LRFN5: variants seen among roughly 807,000 people sequenced by gnomAD.
LRFN5 encodes the protein leucine rich repeat and fibronectin type III domain containing 5.
In LRFN5, 24 loss-of-function variants were observed where a neutral mutation model predicts 45.6. The observed-to-expected ratio is 0.53, with a 90% CI of 0.38 to 0.74. The LOEUF (loss-of-function observed/expected upper bound fraction) is 0.74. LRFN5 is among the 30% of genes least tolerant of loss of function. The pLI is 0.00. For missense variants in LRFN5, 776 were observed against 861.5 expected, an observed-to-expected ratio of 0.90 and a Z score of 1.24; for synonymous variants, 340 against 313.8, an observed-to-expected ratio of 1.08 and a Z score of -0.88.
intron 2 of LRFN5, among the ~76,000 whole-genome samples, chr14:41,783,848 G>T (rs1282371568): frequency 6.6e-6 from 1 of 151,922 alleles, no homozygotes; most frequent in Non-Finnish European, 1.5e-5. Flanking sequence ...GGTGATTTTT[G>T]ATTAATAGAG....
At chr14:41,732,598 A>C (rs1195265320) in intron 1 of LRFN5, among the ~76,000 whole-genome samples, 1 of 152,184 alleles carries the variant, frequency 6.6e-6, no homozygotes, top group African/African-American at 2.4e-5. Flanking sequence ...AAACATAAAC[A>C]AAAAATGAAA....
At chr14:41,876,019 G>C (rs1177289473) in intron 2 of LRFN5, among the ~76,000 whole-genome samples, 1 of 152,014 alleles carries the variant, frequency 6.6e-6, no homozygotes, top group African/African-American at 2.4e-5. Context: ...AGATACATAT[G>C]TATACATGTA....
intron 1 of LRFN5, among the ~76,000 whole-genome samples, chr14:41,621,793 A>G (rs902569455): frequency 2.0e-5 from 3 of 152,070 alleles, no homozygotes; most frequent in Non-Finnish European, 4.4e-5. Flanking sequence ...AAAGTTGAAA[A>G]ATCAGGATGC....
chr14:41,789,812 G>C (rs945633785), intron 2 of LRFN5, among the ~76,000 whole-genome samples: 1 of 151,872 alleles, frequency 6.6e-6, no homozygotes, highest in East Asian at 1.9e-4. Flanking sequence ...TTGCATTCCT[G>C]GGATAAATGT....
intron 1 of LRFN5, among the ~76,000 whole-genome samples, chr14:41,764,419 A>G (rs1885795462): frequency 6.6e-6 from 1 of 152,188 alleles, no homozygotes; most frequent in Admixed American, 6.5e-5. Context: ...AATAAAAGGT[A>G]TGATTACAAA....
chr14:41,789,855 G>T (rs1162356909), intron 2 of LRFN5, among the ~76,000 whole-genome samples: 2 of 151,780 alleles, frequency 1.3e-5, no homozygotes, highest in Admixed American at 1.3e-4. Flanking sequence ...TGTATTTTTT[G>T]ACTGGTTTCG....
At chr14:41,624,550 A>G (rs1888257599) in intron 1 of LRFN5, among the ~76,000 whole-genome samples, 1 of 152,108 alleles carries the variant, frequency 6.6e-6, no homozygotes, top group Non-Finnish European at 1.5e-5. Context: ...AGGGAATCTG[A>G]AAAGTGCTCT....
At chr14:41,630,967 A>AT (rs1566595484) in intron 1 of LRFN5, among the ~76,000 whole-genome samples, 1 of 152,144 alleles carries the variant, frequency 6.6e-6, no homozygotes, top group African/African-American at 2.4e-5. Flanking sequence ...GGAATGGCTT[A>AT]TGTAAAGCTC....
chr14:41,849,520 A>G (rs1889190276), intron 2 of LRFN5, among the ~76,000 whole-genome samples: 1 of 151,350 alleles, frequency 6.6e-6, no homozygotes, highest in Non-Finnish European at 1.5e-5. Flanking sequence ...CCTCCTTGTG[A>G]ACATCCATTT....
At chr14:41,736,418 C>T (rs1884433063) in intron 1 of LRFN5, among the ~76,000 whole-genome samples, 1 of 152,196 alleles carries the variant, frequency 6.6e-6, no homozygotes, top group African/African-American at 2.4e-5. Flanking sequence ...TGAGAAGTGT[C>T]TGTTCACATC....
chr14:41,638,329 T>C (rs1014802130), intron 1 of LRFN5, among the ~76,000 whole-genome samples: 11 of 152,070 alleles, frequency 7.2e-5, no homozygotes, highest in South Asian at 2.1e-4. Flanking sequence ...TGTGCAATTC[T>C]CCTTAGAATA....
At chr14:41,641,967 A>G (rs1879599821) in intron 1 of LRFN5, among the ~76,000 whole-genome samples, 1 of 152,130 alleles carries the variant, frequency 6.6e-6, no homozygotes, top group Admixed American at 6.6e-5. Flanking sequence ...CCTTGAAGTT[A>G]TTGAAATTGA....
chr14:41,759,448 TACAC>T (rs569216156), intron 1 of LRFN5, among the ~76,000 whole-genome samples: 16,065 of 109,366 alleles, frequency 0.15, 1,145 homozygotes, highest in Non-Finnish European at 0.2. Flanking sequence ...TCTCTCTCTC[TACAC>T]ACACACACAC....
At chr14:41,772,584 T>C (rs973003269) in intron 2 of LRFN5, among the ~76,000 whole-genome samples, 2 of 152,148 alleles carry the variant, frequency 1.3e-5, no homozygotes, top group African/African-American at 2.4e-5. Context: ...TAAAAAACCC[T>C]CAGACAATAA....
Position 41,743,687 on chromosome 14 carries a change from C to T in LRFN5, c.-196-23167C>T, listed in dbSNP as rs527979664. 3.9e-4 allele frequency among the ~76,000 whole-genome samples: 60 copies of T among 152,150 alleles called. 1 individual carries two copies. In the South Asian group the frequency reaches 0.011, roughly 27 times the overall value. Reference sequence around the variant, plus strand: ...TGTTAAAATAATAGATTTTTAATGTCCTCACCACAAAAAATATAAGTTGTT... The same window carrying T: ...TGTTAAAATAATAGATTTTTAATGTTCTCACCACAAAAAATATAAGTTGTT... On this transcript the variant is annotated intron_variant, in intron 1 of 5. Transcript: ENST00000298119.
chr14:41,782,299 C>T (rs1415603624), intron 2 of LRFN5, among the ~76,000 whole-genome samples: 1 of 151,498 alleles, frequency 6.6e-6, no homozygotes, highest in Non-Finnish European at 1.5e-5. Flanking sequence ...TTAAGTCTTT[C>T]CTTAGCTTTA....
At chr14:41,702,536 C>T (rs761146350) in intron 1 of LRFN5, among the ~76,000 whole-genome samples, 3 of 152,094 alleles carry the variant, frequency 2.0e-5, no homozygotes, top group Non-Finnish European at 4.4e-5. Context: ...AATCGTAGCT[C>T]ATTACACTCT....
chr14:41,814,820 A>C (rs1887861148), intron 2 of LRFN5, among the ~76,000 whole-genome samples: 1 of 152,150 alleles, frequency 6.6e-6, no homozygotes, highest in Non-Finnish European at 1.5e-5. Flanking sequence ...GTGGGTGGTG[A>C]ATCTAATAGT....
chr14:41,738,063 G>C (rs912895855), intron 1 of LRFN5, among the ~76,000 whole-genome samples: 2 of 152,066 alleles, frequency 1.3e-5, no homozygotes, highest in African/African-American at 2.4e-5. Context: ...AAAGAACAAA[G>C]CTGGAGGCAT....
Sources: allele counts gnomAD v4.1 joint callset (sites outside exome capture counted in the v4.1 genomes callset), GRCh38; gene constraint gnomAD v4.1.1; transcripts MANE v1.5; gene names NCBI Gene and HGNC (gene_info 2026-07-23, HGNC 2026-07-21).